Variants in ADCY8 observed in about 807,000 individuals in gnomAD.
ADCY8 encodes the protein adenylate cyclase type 8.
A neutral mutation model predicts 119.7 loss-of-function variants in ADCY8; 51 were observed. The observed-to-expected ratio is 0.43, with a 90% CI of 0.34 to 0.54. ADCY8 has a LOEUF of 0.54. ADCY8 is among the 20% of genes least tolerant of loss of function. The probability of loss-of-function intolerance (pLI) is 0.03; values close to 1 mark genes in which losing one functional copy is unlikely to be tolerated. For synonymous variants in ADCY8, 665 were observed against 651.0 expected (o/e 1.02, Z -0.33); for missense variants, 1,383 against 1,598.8 (o/e 0.87, Z 2.30).
At chr8:131,038,304 G>A (rs1429617678) in intron 1 of ADCY8, among the ~76,000 whole-genome samples, 4 of 152,274 alleles carry the variant, frequency 2.6e-5, no homozygotes, top group South Asian at 2.1e-4. Flanking sequence ...AGAGGCTAAC[G>A]ACAGAGCAGG....
chr8:130,954,021 G>A (rs1386045497), intron 2 of ADCY8, among the ~76,000 whole-genome samples: 1 of 152,200 alleles, frequency 6.6e-6, no homozygotes, highest in East Asian at 1.9e-4. Context: ...TTACAGCTGT[G>A]AGGGGCACTA....
chr8:130,898,008 C>T (rs1819466017), intron 7 of ADCY8, among the ~76,000 whole-genome samples: 1 of 151,816 alleles, frequency 6.6e-6, no homozygotes, highest in South Asian at 2.1e-4. Flanking sequence ...CACATAAATA[C>T]TCACTCACCT....
chr8:130,897,992 A>G (rs988899077), intron 7 of ADCY8, among the ~76,000 whole-genome samples: 4 of 152,102 alleles, frequency 2.6e-5, no homozygotes, highest in South Asian at 4.2e-4. Flanking sequence ...CACTACACAC[A>G]CAACACACAT....
At chr8:131,001,032 A>G (rs951127951) in intron 1 of ADCY8, among the ~76,000 whole-genome samples, 1 of 152,142 alleles carries the variant, frequency 6.6e-6, no homozygotes, top group Admixed American at 6.5e-5. Flanking sequence ...ACTAGGTCCC[A>G]TTCCTGTCTA....
At chr8:130,830,461 C>A (rs1239849708) in intron 12 of ADCY8, among the ~76,000 whole-genome samples, 1 of 152,122 alleles carries the variant, frequency 6.6e-6, no homozygotes, top group East Asian at 1.9e-4. Flanking sequence ...TTCCTCAAAC[C>A]TGATTATAAA....
chr8:130,879,866 G>A (rs1818703903), intron 8 of ADCY8, among the ~76,000 whole-genome samples: 1 of 152,066 alleles, frequency 6.6e-6, no homozygotes, highest in Non-Finnish European at 1.5e-5. Flanking sequence ...ATATGGTTTG[G>A]CTCTCTGTCC....
intron 7 of ADCY8, among the ~76,000 whole-genome samples, chr8:130,887,770 G>A (rs962926445): frequency 2.6e-5 from 4 of 152,102 alleles, no homozygotes; most frequent in African/African-American, 7.2e-5. Flanking sequence ...GGGATTATCT[G>A]TGATACCCCT....
At chr8:130,844,898 A>G (rs1339601490) in intron 11 of ADCY8, among the ~76,000 whole-genome samples, 1 of 152,172 alleles carries the variant, frequency 6.6e-6, no homozygotes, top group Non-Finnish European at 1.5e-5. Context: ...CATAACATAC[A>G]CGGGTATATT....
chr8:130,861,931 G>A (rs1817943688), intron 9 of ADCY8, among the ~76,000 whole-genome samples: 1 of 152,056 alleles, frequency 6.6e-6, no homozygotes, highest in Admixed American at 6.5e-5. Flanking sequence ...CAATTGATAA[G>A]ATCATATGAT....
chr8:130,902,831 A>G (rs1819646999), intron 7 of ADCY8, among the ~76,000 whole-genome samples: 1 of 151,892 alleles, frequency 6.6e-6, no homozygotes, highest in African/African-American at 2.4e-5. Context: ...CTTATCAGAA[A>G]CTGTCAGATA....
intron 7 of ADCY8, among the ~76,000 whole-genome samples, chr8:130,890,659 T>C (rs1819154239): frequency 1.3e-5 from 2 of 152,154 alleles, no homozygotes; most frequent in Admixed American, 1.3e-4. Flanking sequence ...ATTCAGACTT[T>C]TGGGATCCAG....
At chr8:131,005,743 T>C (rs1256598127) in intron 1 of ADCY8, among the ~76,000 whole-genome samples, 1 of 152,162 alleles carries the variant, frequency 6.6e-6, no homozygotes, top group East Asian at 1.9e-4. Context: ...ATTCCTCTAC[T>C]GTAGAGGAGC....
At chr8:130,985,317 T>G (rs976894541) in intron 2 of ADCY8, among the ~76,000 whole-genome samples, 2 of 152,054 alleles carry the variant, frequency 1.3e-5, no homozygotes, top group African/African-American at 4.8e-5. Context: ...ATTGATAAGG[T>G]GCAGGGATGA....
At chr8:130,818,775 C>T (rs1000319479) in intron 13 of ADCY8, among the ~76,000 whole-genome samples, 3 of 152,176 alleles carry the variant, frequency 2.0e-5, no homozygotes, top group African/African-American at 4.8e-5. Flanking sequence ...AGTGATACAA[C>T]CCTGCAGAAA....
intron 2 of ADCY8, 59 bp downstream of exon 2, chr8:130,990,332 TCC>T: frequency 6.3e-7 from 1 of 1,580,986 alleles, no homozygotes; most frequent in Admixed American, 1.8e-5. Flanking sequence ...AAACAGTAGC[TCC>T]ATATAATTTA....
intron 3 of ADCY8, among the ~76,000 whole-genome samples, chr8:130,948,448 C>A (rs1252756286): frequency 6.6e-6 from 1 of 151,998 alleles, no homozygotes; most frequent in Non-Finnish European, 1.5e-5. Context: ...GATTGGGAAA[C>A]GGAGGCCCAC....
intron 11 of ADCY8, among the ~76,000 whole-genome samples, chr8:130,841,088 C>A (rs967554143): frequency 1.8e-4 from 28 of 152,282 alleles, no homozygotes; most frequent in African/African-American, 6.7e-4. Context: ...ATTAGATGAA[C>A]TCCAGGTAAG....
intron 12 of ADCY8, among the ~76,000 whole-genome samples, chr8:130,834,741 T>A (rs762514330): frequency 6.6e-6 from 1 of 152,108 alleles, no homozygotes; most frequent in Non-Finnish European, 1.5e-5. Flanking sequence ...TAATATTACA[T>A]CACAACAAAA....
intron 5 of ADCY8, among the ~76,000 whole-genome samples, chr8:130,936,812 G>T (rs1432515342): frequency 6.6e-6 from 1 of 152,108 alleles, no homozygotes; most frequent in Non-Finnish European, 1.5e-5. Context: ...TGCTCATCTT[G>T]TTCCTTGCTG....
Sources: allele counts gnomAD v4.1 joint callset (sites outside exome capture counted in the v4.1 genomes callset), GRCh38; gene constraint gnomAD v4.1.1; transcripts MANE v1.5; gene names NCBI Gene and HGNC (gene_info 2026-07-23, HGNC 2026-07-21).